Variants in SNTB1 observed in about 807,000 individuals in gnomAD.
The protein encoded by SNTB1 is beta-1-syntrophin.
A neutral mutation model predicts 48.9 loss-of-function variants in SNTB1; 36 were observed. The ratio of observed to expected loss-of-function variants is 0.74; its 90% CI spans 0.56 to 0.97. The LOEUF (loss-of-function observed/expected upper bound fraction) is 0.97. Among genes scored for constraint, SNTB1 ranks in the 50% least tolerant of loss-of-function variants. The probability of loss-of-function intolerance (pLI) is 0.00; values close to 1 mark genes in which losing one functional copy is unlikely to be tolerated. For missense variants in SNTB1, 786 were observed against 703.4 expected (o/e 1.12, Z -1.33); for synonymous variants, 299 against 294.6 (o/e 1.01, Z -0.15).
intron 3 of SNTB1, among the ~76,000 whole-genome samples, chr8:120,592,192 T>C (rs1191517892): frequency 6.6e-6 from 1 of 152,094 alleles, no homozygotes; most frequent in African/African-American, 2.4e-5. Flanking sequence ...GAATTTTTTT[T>C]TTTCCAAGAG....
At chr8:120,614,243 A>G (rs1816671555) in intron 3 of SNTB1, among the ~76,000 whole-genome samples, 1 of 152,210 alleles carries the variant, frequency 6.6e-6, no homozygotes, top group Non-Finnish European at 1.5e-5. Flanking sequence ...CAAATTTAAG[A>G]GAGATACCCT....
intron 3 of SNTB1, among the ~76,000 whole-genome samples, chr8:120,609,352 G>A (rs749800036): frequency 1.1e-4 from 16 of 152,198 alleles, no homozygotes; most frequent in Non-Finnish European, 2.2e-4. Flanking sequence ...TAGACCAGGC[G>A]TAGGTCCATA....
intron 1 of SNTB1, among the ~76,000 whole-genome samples, chr8:120,804,393 C>T (rs1428546586): frequency 6.6e-6 from 1 of 152,240 alleles, no homozygotes; most frequent in East Asian, 1.9e-4. Context: ...TCATAATCAG[C>T]CTCAAATACC....
intron 1 of SNTB1, among the ~76,000 whole-genome samples, chr8:120,732,178 A>T (rs1818864270): frequency 6.6e-6 from 1 of 152,184 alleles, no homozygotes. Flanking sequence ...TTGCGGGTAA[A>T]TCGGCTACTT....
At chr8:120,684,655 A>ATTT (rs1554652904) in intron 2 of SNTB1, among the ~76,000 whole-genome samples, 2 of 141,714 alleles carry the variant, frequency 1.4e-5, no homozygotes, top group Non-Finnish European at 3.1e-5. Flanking sequence ...CAAAAATTGA[A>ATTT]TTTTTTTTTT....
chr8:120,577,106 G>A lies in SNTB1; in HGVS notation c.997-1881C>T, dbSNP rs541760260. 4.6e-5 allele frequency among the ~76,000 whole-genome samples: 7 copies of A among 152,296 alleles called. No individual in the cohort carries two copies. In the South Asian group the frequency reaches 1.5e-3, roughly 32 times the overall value. On this transcript the variant is annotated intron_variant, in intron 3 of 6. Coordinates refer to ENST00000517992, the MANE Select transcript of SNTB1 (RefSeq NM_021021.4). ...AAATTATAAGACAAGCCAAAAATAA[G>A]CTTGGTGCTAACAATTTCAATACCT...
intron 1 of SNTB1, among the ~76,000 whole-genome samples, chr8:120,755,337 A>C (rs762061019): frequency 2.0e-5 from 3 of 152,152 alleles, no homozygotes; most frequent in Admixed American, 6.5e-5. Flanking sequence ...CTATCAGAAC[A>C]ATAAATGGTA....
At chr8:120,767,143 A>G (rs1346041332) in intron 1 of SNTB1, among the ~76,000 whole-genome samples, 1 of 152,164 alleles carries the variant, frequency 6.6e-6, no homozygotes, top group Non-Finnish European at 1.5e-5. Context: ...TTGTGTGTGT[A>G]TGGTGAATTT....
At chr8:120,698,345 C>T (rs916634990) in intron 1 of SNTB1, among the ~76,000 whole-genome samples, 9 of 152,086 alleles carry the variant, frequency 5.9e-5, no homozygotes, top group African/African-American at 1.7e-4. Flanking sequence ...TTTTCAATTT[C>T]AAGGAATTAA....
chr8:120,609,361 T>C (rs1287414693), intron 3 of SNTB1, among the ~76,000 whole-genome samples: 3 of 152,192 alleles, frequency 2.0e-5, no homozygotes, highest in Admixed American at 6.5e-5. Context: ...CGTAGGTCCA[T>C]ACTAGAGTTT....
At chr8:120,620,045 A>G (rs1306167856) in intron 3 of SNTB1, among the ~76,000 whole-genome samples, 1 of 152,214 alleles carries the variant, frequency 6.6e-6, no homozygotes, top group Non-Finnish European at 1.5e-5. Context: ...AAAGTCCAGT[A>G]CAACTCATTT....
chr8:120,597,334 T>C (rs1477916084), intron 3 of SNTB1, among the ~76,000 whole-genome samples: 5 of 152,214 alleles, frequency 3.3e-5, no homozygotes, highest in Non-Finnish European at 5.9e-5. Flanking sequence ...TAAATTTCTG[T>C]TTTAAGCCAC....
intron 1 of SNTB1, among the ~76,000 whole-genome samples, chr8:120,796,576 C>T (rs1027868619): frequency 6.6e-6 from 1 of 151,986 alleles, no homozygotes; most frequent in Admixed American, 6.6e-5. Context: ...GTGCCTGGGA[C>T]GTGCTCCTGA....
At chr8:120,659,054 C>G (rs537344113) in intron 2 of SNTB1, among the ~76,000 whole-genome samples, 99 of 152,110 alleles carry the variant, frequency 6.5e-4, no homozygotes, top group Non-Finnish European at 7.1e-4. Flanking sequence ...ACCTCCACCC[C>G]CTGGGTTTAA....
At chr8:120,714,218 T>C (rs538470437) in intron 1 of SNTB1, among the ~76,000 whole-genome samples, 1 of 152,306 alleles carries the variant, frequency 6.6e-6, no homozygotes, top group Admixed American at 6.5e-5. Flanking sequence ...CACTCTCTTT[T>C]GCCCACCACA....
At chr8:120,613,312 C>T (rs1816656116) in intron 3 of SNTB1, among the ~76,000 whole-genome samples, 1 of 151,080 alleles carries the variant, frequency 6.6e-6, no homozygotes, top group Non-Finnish European at 1.5e-5. Flanking sequence ...GATTGTGCCA[C>T]TGCACTTTAG....
chr8:120,769,730 AATTGCAACCATACGGAGGT>A (rs1184228443), intron 1 of SNTB1: 3 of 152,210 alleles, frequency 2.0e-5, no homozygotes, highest in African/African-American at 7.2e-5. Flanking sequence ...CTGACAATTT[AATTGCAACCATACGGAGGT>A]ATCCCAAAAA....
intron 4 of SNTB1, among the ~76,000 whole-genome samples, chr8:120,562,912 G>A (rs1479510748): frequency 6.6e-6 from 1 of 152,042 alleles, no homozygotes; most frequent in Non-Finnish European, 1.5e-5. Context: ...AAAAGAAACG[G>A]GTTAGTTGCT....
At chr8:120,595,440 A>T (rs1464752919) in intron 3 of SNTB1, among the ~76,000 whole-genome samples, 2 of 152,020 alleles carry the variant, frequency 1.3e-5, no homozygotes, top group African/African-American at 4.8e-5. Flanking sequence ...AACATCAGGA[A>T]GTTACCCTAT....
Sources: allele counts gnomAD v4.1 joint callset (sites outside exome capture counted in the v4.1 genomes callset), GRCh38; gene constraint gnomAD v4.1.1; transcripts MANE v1.5; gene names NCBI Gene and HGNC (gene_info 2026-07-23, HGNC 2026-07-21).